Variants in DGKB observed in about 807,000 individuals in gnomAD.
DGKB encodes diacylglycerol kinase beta.
Under a neutral mutation model 114.3 loss-of-function variants are expected in DGKB, and 67 were observed. The observed-to-expected ratio is 0.59, with a 90% CI of 0.48 to 0.72. DGKB has a LOEUF of 0.72. DGKB is among the 30% of genes least tolerant of loss of function. DGKB has a pLI of 0.00. For missense variants in DGKB, 907 were observed against 975.2 expected, an observed-to-expected ratio of 0.93 and a Z score of 0.93; for synonymous variants, 398 against 323.1, an observed-to-expected ratio of 1.23 and a Z score of -2.49.
chr7:14,468,186 A>C (rs916863414), intron 21 of DGKB, among the ~76,000 whole-genome samples: 9 of 152,210 alleles, frequency 5.9e-5, no homozygotes, highest in Non-Finnish European at 1.3e-4. Flanking sequence ...GTCAATTCCA[A>C]ATACAGATCT....
intron 20 of DGKB, among the ~76,000 whole-genome samples, chr7:14,559,451 G>A (rs1436490494): frequency 1.3e-5 from 2 of 152,110 alleles, no homozygotes; most frequent in African/African-American, 2.4e-5. Flanking sequence ...AAAGGTAGCT[G>A]ACCTAAAATA....
At chr7:14,898,233 A>G (rs1193481511) in intron 1 of DGKB, among the ~76,000 whole-genome samples, 1 of 152,058 alleles carries the variant, frequency 6.6e-6, no homozygotes, top group African/African-American at 2.4e-5. Context: ...CCAAAAGTAA[A>G]TTACAGAGAG....
chr7:14,574,549 A>G (rs1442358686), intron 19 of DGKB, among the ~76,000 whole-genome samples, 177 bp from the exon 20 acceptor site: 2 of 152,232 alleles, frequency 1.3e-5, no homozygotes, highest in Non-Finnish European at 2.9e-5. Context: ...CCCACATTTA[A>G]TTCTTAACTT....
At chr7:14,932,860 A>G (rs1394272186) in intron 1 of DGKB, among the ~76,000 whole-genome samples, 1 of 152,106 alleles carries the variant, frequency 6.6e-6, no homozygotes, top group Non-Finnish European at 1.5e-5. Context: ...AGGCTGGGGG[A>G]AAAAAGAGGC....
chr7:14,941,867 C>CA (rs1183711963), intron 1 of DGKB, among the ~76,000 whole-genome samples: 3 of 151,892 alleles, frequency 2.0e-5, no homozygotes, highest in Non-Finnish European at 4.4e-5. Flanking sequence ...GGTATAATTT[C>CA]AAAAAATATT....
rs1442072886 is a variant in DGKB at position 14,946,050 on chromosome 7, AT to A, written c.-188+28645del. On this transcript the variant is annotated intron_variant, in intron 1 of 4. Transcript: ENST00000437998. ...TGAATATATATTAAACATCTAATGTATTATTTTGACATTAATAGATAAAATA... is the reference window on the plus strand; with the variant it reads ...TGAATATATATTAAACATCTAATGTATATTTTGACATTAATAGATAAAATA... Among the ~76,000 whole-genome samples, 3 of 151,420 alleles carry A rather than the reference AT, an allele frequency of 2.0e-5. No homozygotes were observed. In the East Asian group the frequency reaches 5.8e-4, roughly 29 times the overall value.
At chr7:14,622,763 A>T (rs1034749428) in intron 14 of DGKB, among the ~76,000 whole-genome samples, 3 of 151,528 alleles carry the variant, frequency 2.0e-5, no homozygotes, top group African/African-American at 7.3e-5. Flanking sequence ...CCTTTTTTTT[A>T]CCCTACTCCA....
At chr7:14,649,180 A>G in intron 13 of DGKB, among the ~76,000 whole-genome samples, 1 of 143,746 alleles carries the variant, frequency 7.0e-6, no homozygotes, top group African/African-American at 2.6e-5. Context: ...GGCAACTGTA[A>G]GACACATAAT....
chr7:14,580,882 CTTGCTAGATCA>C lies in DGKB; in HGVS notation c.1578_1588del (p.Asn526LysfsTer12). 6.2e-7 allele frequency: 1 copy of C among 1,603,976 alleles called. No homozygotes were observed. Among genetic ancestry groups the C allele is most frequent in the Non-Finnish European group, 8.5e-7 (1 of 1,173,052 alleles). On this transcript the variant is annotated frameshift_variant, in exon 19 of 26. Transcript: ENST00000402815. LOFTEE classifies it high-confidence loss of function. ...TTTACCTCCTCCCCATCGCAGGCAT[CTTGCTAGATCA>C]TTGCCAGTCCCAAGAGGCAGAATCG...
At chr7:14,333,069 C>T (rs1810009145) in intron 23 of DGKB, among the ~76,000 whole-genome samples, 1 of 152,052 alleles carries the variant, frequency 6.6e-6, no homozygotes, top group Non-Finnish European at 1.5e-5. Context: ...TTAAACAAAG[C>T]AACATTTTAT....
At chr7:14,301,694 C>T (rs1003010090) in intron 23 of DGKB, among the ~76,000 whole-genome samples, 1 of 152,128 alleles carries the variant, frequency 6.6e-6, no homozygotes. Context: ...GGTGTGTACA[C>T]ACACACACAT....
intron 2 of DGKB, among the ~76,000 whole-genome samples, chr7:14,786,195 T>C (rs1273829714): frequency 6.6e-6 from 1 of 152,052 alleles, no homozygotes; most frequent in East Asian, 1.9e-4. Context: ...TATTCTAGTA[T>C]GTAGTGGCTA....
chr7:14,148,249 C>G lies in DGKB; in HGVS notation c.*882G>C, dbSNP rs1781692668. The G allele has an allele frequency of 1.3e-5, 2 of 152,594 alleles. No individual in the cohort carries two copies. The highest frequency in any genetic ancestry group is 4.8e-5 in the African/African-American group (2 of 41,440). 9.5% of individuals were successfully genotyped at this position (152,594 alleles called of 1,614,324 possible). A position where few individuals can be genotyped will look rare whatever the true frequency, so the allele number is the denominator to read the frequency against. On this transcript the variant is annotated 3_prime_UTR_variant, in exon 26 of 26. Transcript: ENST00000402815. ...CATCACAAAATTAATCACAGGAACC[C>G]TAAATTTGCTCCACAATGCTTAATT...
Position 14,899,230 on chromosome 7 carries a change from G to T in DGKB, c.-188+3362C>A, listed in dbSNP as rs151126050. On this transcript the variant is annotated intron_variant, in intron 1 of 25. Coordinates refer to ENST00000402815, the MANE Select transcript of DGKB (RefSeq NM_001350709.2). ...TGGCAAATTTTCAGAAAGTGATTGT[G>T]CAAGAATCAGCGATATGTCCAACTA... Among the ~76,000 whole-genome samples the T allele has an allele frequency of 1.1e-3, 168 of 152,180 alleles. 1 individual carries two copies. Among genetic ancestry groups the T allele is most frequent in the African/African-American group, 3.7e-3 (154 of 41,540 alleles).
At chr7:14,805,962 ATTCT>A in intron 2 of DGKB, among the ~76,000 whole-genome samples, 1 of 151,408 alleles carries the variant, frequency 6.6e-6, no homozygotes, top group South Asian at 2.1e-4. Context: ...TCTAACTTTG[ATTCT>A]TTTTCTAAAA....
At chr7:14,703,642 C>G (rs534609178) in intron 6 of DGKB, among the ~76,000 whole-genome samples, 2 of 152,034 alleles carry the variant, frequency 1.3e-5, no homozygotes, top group Non-Finnish European at 2.9e-5. Flanking sequence ...TGATGGGAGG[C>G]GGCAGTGATT....
At chr7:14,661,581 A>G (rs1817087877) in intron 13 of DGKB, among the ~76,000 whole-genome samples, 1 of 151,984 alleles carries the variant, frequency 6.6e-6, no homozygotes, top group Non-Finnish European at 1.5e-5. Flanking sequence ...ATGTGGAGAA[A>G]TAGGAACACT....
intron 23 of DGKB, among the ~76,000 whole-genome samples, chr7:14,220,953 TA>T (rs1225795548): frequency 6.6e-6 from 1 of 151,310 alleles, no homozygotes; most frequent in African/African-American, 2.4e-5. Context: ...AATTTTTTTT[TA>T]ATTTCATTTT....
intron 20 of DGKB, 74 bp from the exon 21 acceptor site, chr7:14,478,299 A>T (rs971886418): frequency 1.1e-6 from 1 of 878,396 alleles, no homozygotes; most frequent in Non-Finnish European, 1.7e-6. Flanking sequence ...TAGACTAAAT[A>T]AAAAAATAAC....
Sources: allele counts gnomAD v4.1 joint callset (sites outside exome capture counted in the v4.1 genomes callset), GRCh38; gene constraint gnomAD v4.1.1; transcripts MANE v1.5; gene names NCBI Gene and HGNC (gene_info 2026-07-23, HGNC 2026-07-21).